HACD2: variants seen among roughly 807,000 people sequenced by gnomAD.
The protein encoded by HACD2 is 3-hydroxyacyl-CoA dehydratase 2.
A neutral mutation model predicts 31.0 loss-of-function variants in HACD2; 15 were observed. The observed-to-expected ratio is 0.48, with a 90% CI of 0.32 to 0.75. HACD2 has a LOEUF of 0.75. HACD2 is among the 30% of genes least tolerant of loss of function. The pLI is 0.03. For synonymous variants in HACD2, 115 were observed against 122.2 expected (o/e 0.94, Z 0.39); for missense variants, 283 against 313.0 (o/e 0.90, Z 0.72).
chr3:123,530,629 G>A (rs975888650), intron 3 of HACD2, among the ~76,000 whole-genome samples: 14 of 152,084 alleles, frequency 9.2e-5, no homozygotes, highest in Non-Finnish European at 7.4e-5. Flanking sequence ...GGATGGTCTC[G>A]ATCTCCTGAC....
intron 4 of HACD2, among the ~76,000 whole-genome samples, chr3:123,520,989 A>C (rs140521573): frequency 4.1e-4 from 62 of 152,322 alleles, no homozygotes; most frequent in African/African-American, 1.3e-3. Context: ...CCTAAAGTGA[A>C]AAGTCAAGCA....
intron 3 of HACD2, among the ~76,000 whole-genome samples, chr3:123,551,957 T>C (rs1166785685): frequency 6.6e-6 from 1 of 152,184 alleles, no homozygotes; most frequent in African/African-American, 2.4e-5. Flanking sequence ...GCACAATTAA[T>C]TGACACAGAC....
chr3:123,513,257 T>C (rs2056086525), intron 4 of HACD2, among the ~76,000 whole-genome samples: 3 of 152,226 alleles, frequency 2.0e-5, no homozygotes, highest in Admixed American at 2.0e-4. Context: ...CTATTTCTTA[T>C]AGAATGCCAA....
rs145139434 is a variant in HACD2, at chr3:123,523,703, T to C, written c.381+4683A>G. Among the ~76,000 whole-genome samples the C allele has an allele frequency of 1.2e-3, 190 of 152,304 alleles. 1 individual carries two copies. The highest frequency in any genetic ancestry group is 4.2e-3 in the African/African-American group (175 of 41,570). ...GAATCCCAGGAAGAGGTGTCGGCAC[T>C]GTGTTACCTCAGGTGGGAATGGCCT... On this transcript the variant is annotated intron_variant, in intron 4 of 6. Coordinates refer to ENST00000383657, the MANE Select transcript of HACD2 (RefSeq NM_198402.5).
At chr3:123,511,735 A>G (rs949638965) in intron 4 of HACD2, among the ~76,000 whole-genome samples, 2 of 152,248 alleles carry the variant, frequency 1.3e-5, no homozygotes, top group African/African-American at 2.4e-5. Flanking sequence ...CGAATTACCT[A>G]AAGTTAATGT....
chr3:123,568,474 T>C (rs887761423), intron 2 of HACD2, among the ~76,000 whole-genome samples: 5 of 152,334 alleles, frequency 3.3e-5, no homozygotes, highest in African/African-American at 1.2e-4. Flanking sequence ...CAACAGTCCT[T>C]CCTTCCCCTC....
At chr3:123,576,218 C>T (rs188066417) in intron 2 of HACD2, among the ~76,000 whole-genome samples, 5 of 151,312 alleles carry the variant, frequency 3.3e-5, no homozygotes, top group African/African-American at 1.2e-4. Flanking sequence ...CTCCTTCGTG[C>T]CCTATATTGC....
chr3:123,563,891 C>T (rs936880805), intron 3 of HACD2, among the ~76,000 whole-genome samples: 10 of 152,216 alleles, frequency 6.6e-5, no homozygotes, highest in African/African-American at 2.2e-4. Context: ...GAAATGGTGG[C>T]TCATTATTAT....
intron 4 of HACD2, 132 bp from the exon 5 acceptor site, chr3:123,502,813 A>G: frequency 1.1e-6 from 1 of 883,912 alleles, no homozygotes; most frequent in Non-Finnish European, 1.7e-6. Flanking sequence ...CCTGTATGGC[A>G]GAAAGAGCTT....
intron 4 of HACD2, among the ~76,000 whole-genome samples, chr3:123,512,087 C>A (rs924161473): frequency 6.6e-5 from 10 of 152,132 alleles, no homozygotes; most frequent in African/African-American, 2.4e-4. Flanking sequence ...CCAAATAGAC[C>A]TCTTTTCTTT....
At chr3:123,566,132 T>A (rs548730857) in intron 3 of HACD2, among the ~76,000 whole-genome samples, 3 of 150,974 alleles carry the variant, frequency 2.0e-5, no homozygotes, top group Non-Finnish European at 4.4e-5. Flanking sequence ...GAGAATCTAA[T>A]TGAAGCTATG....
At chr3:123,549,490 G>A (rs1189241406) in intron 3 of HACD2, among the ~76,000 whole-genome samples, 1 of 152,190 alleles carries the variant, frequency 6.6e-6, no homozygotes, top group African/African-American at 2.4e-5. Context: ...GCTCATGTCT[G>A]TAATCCCAGC....
intron 4 of HACD2, among the ~76,000 whole-genome samples, chr3:123,516,963 G>A (rs1319674462): frequency 1.3e-5 from 2 of 152,188 alleles, no homozygotes; most frequent in Non-Finnish European, 2.9e-5. Context: ...TGCATGTCCT[G>A]AGGCAAGTTA....
intron 2 of HACD2, among the ~76,000 whole-genome samples, chr3:123,572,024 T>A (rs533964806): frequency 6.6e-6 from 1 of 152,194 alleles, no homozygotes; most frequent in African/African-American, 2.4e-5. Flanking sequence ...GTAGGACATC[T>A]AGCCAGTAGC....
chr3:123,499,859 C>T (rs1287641760), intron 6 of HACD2, among the ~76,000 whole-genome samples: 1 of 152,166 alleles, frequency 6.6e-6, no homozygotes, highest in Non-Finnish European at 1.5e-5. Flanking sequence ...GTAGGGCTCA[C>T]TTCACAGAGA....
intron 2 of HACD2, among the ~76,000 whole-genome samples, chr3:123,569,518 C>T (rs974783632): frequency 5.9e-5 from 9 of 152,006 alleles, no homozygotes; most frequent in South Asian, 2.1e-4. Flanking sequence ...ATTGCCACTA[C>T]GCCTGGCTAA....
intron 2 of HACD2, among the ~76,000 whole-genome samples, chr3:123,579,683 C>A (rs1275327958): frequency 6.6e-6 from 1 of 152,088 alleles, no homozygotes; most frequent in Non-Finnish European, 1.5e-5. Flanking sequence ...GGGGACAACC[C>A]CCTACTATAT....
At position 123,533,346 on chromosome 3, in the gene HACD2, G is replaced by A. The variant is rs1046161462; in HGVS notation, c.293-4872C>T. On this transcript the variant is annotated intron_variant, in intron 3 of 6. Coordinates refer to ENST00000383657, the MANE Select transcript of HACD2 (RefSeq NM_198402.5). ...GTATTTTTAGCAGAGACAGGGTTTC[G>A]CCATGATGCCCAGGCTGGTCTCGAA... Among the ~76,000 whole-genome samples, 10 of 152,054 alleles carry A rather than the reference G, an allele frequency of 6.6e-5. No individual in the cohort carries two copies. In the South Asian group the frequency reaches 8.3e-4, roughly 13 times the overall value.
chr3:123,558,707 T>G (rs2056696906), intron 3 of HACD2, among the ~76,000 whole-genome samples: 1 of 152,216 alleles, frequency 6.6e-6, no homozygotes. Context: ...GAAGCTTTCT[T>G]GCTCCCTTTT....
Sources: allele counts gnomAD v4.1 joint callset (sites outside exome capture counted in the v4.1 genomes callset), GRCh38; gene constraint gnomAD v4.1.1; transcripts MANE v1.5; gene names NCBI Gene and HGNC (gene_info 2026-07-23, HGNC 2026-07-21).